RGS6: variants seen among roughly 807,000 people sequenced by gnomAD.
RGS6 encodes regulator of G protein signaling 6.
RGS6 carries 30 observed loss-of-function variants against 78.5 expected under a neutral mutation model. The ratio of observed to expected loss-of-function variants is 0.38; its 90% CI spans 0.29 to 0.52. The LOEUF (loss-of-function observed/expected upper bound fraction) is 0.52. RGS6 is among the 20% of genes least tolerant of loss of function. The probability of loss-of-function intolerance (pLI) is 0.85; values close to 1 mark genes in which losing one functional copy is unlikely to be tolerated. For synonymous variants in RGS6, 206 were observed against 206.0 expected, an observed-to-expected ratio of 1.00 and a Z score of 0.00; for missense variants, 495 against 609.7, an observed-to-expected ratio of 0.81 and a Z score of 1.98.
chr14:72,282,389 T>C (rs1288852805), intron 2 of RGS6, among the ~76,000 whole-genome samples: 1 of 152,176 alleles, frequency 6.6e-6, no homozygotes, highest in Non-Finnish European at 1.5e-5. Context: ...CCATTTGCAA[T>C]GCCCAAATTA....
intron 2 of RGS6, among the ~76,000 whole-genome samples, chr14:72,016,386 A>G (rs1288255878): frequency 6.6e-6 from 1 of 152,034 alleles, no homozygotes; most frequent in African/African-American, 2.4e-5. Context: ...TATTTTTTGA[A>G]ACGGAGTCTC....
chr14:71,884,150 G>A, the RGS6 span, among the ~76,000 whole-genome samples: 2 of 152,132 alleles, frequency 1.3e-5, no homozygotes. Flanking sequence ...GCTTTCCTAG[G>A]AGTTCTGCCT....
At chr14:72,187,169 A>C (rs747092337) in intron 2 of RGS6, among the ~76,000 whole-genome samples, 2 of 152,226 alleles carry the variant, frequency 1.3e-5, no homozygotes, top group Non-Finnish European at 2.9e-5. Flanking sequence ...TGATTTTTTA[A>C]AAAAATCTAC....
chr14:72,445,151 T>C (rs191246741), intron 3 of RGS6, among the ~76,000 whole-genome samples: 1 of 152,348 alleles, frequency 6.6e-6, no homozygotes, highest in African/African-American at 2.4e-5. Flanking sequence ...TACCTAATAT[T>C]TGTTTAAGTA....
At chr14:72,512,140 A>T (rs922103100) in intron 14 of RGS6, among the ~76,000 whole-genome samples, 1 of 152,132 alleles carries the variant, frequency 6.6e-6, no homozygotes, top group Non-Finnish European at 1.5e-5. Context: ...TGGGTCTCCA[A>T]GATGGAGCGG....
intron 2 of RGS6, among the ~76,000 whole-genome samples, chr14:72,286,598 G>A (rs1305553474): frequency 6.6e-6 from 1 of 151,898 alleles, no homozygotes; most frequent in African/African-American, 2.4e-5. Flanking sequence ...GATCACTTTG[G>A]GTAGTATAGA....
At chr14:72,232,568 G>T (rs576527107) in intron 2 of RGS6, among the ~76,000 whole-genome samples, 1 of 152,274 alleles carries the variant, frequency 6.6e-6, no homozygotes, top group Admixed American at 6.5e-5. Flanking sequence ...CCATCCTTAT[G>T]TCACCTGGCA....
chr14:72,022,358 C>A (rs966046868), intron 2 of RGS6: 2 of 152,108 alleles, frequency 1.3e-5, no homozygotes, highest in African/African-American at 4.8e-5. Context: ...TGCCATACTG[C>A]TTTCCACAAT....
At chr14:72,082,949 G>A (rs2153478353) in intron 2 of RGS6, among the ~76,000 whole-genome samples, 1 of 152,280 alleles carries the variant, frequency 6.6e-6, no homozygotes, top group South Asian at 2.1e-4. Context: ...AGGCTACTCA[G>A]CTTTGCCTCA....
At chr14:72,550,466 CTG>C in intron 17 of RGS6, 1 of 1,535,618 alleles carries the variant, frequency 6.5e-7, no homozygotes, top group Non-Finnish European at 8.7e-7. Flanking sequence ...AAAAGACAGA[CTG>C]TCAAGCAAGG....
At chr14:72,362,149 A>G (rs984198993) in intron 3 of RGS6, among the ~76,000 whole-genome samples, 6 of 152,188 alleles carry the variant, frequency 3.9e-5, no homozygotes, top group African/African-American at 1.4e-4. Flanking sequence ...GACGATATAA[A>G]GATGAACAAA....
rs535665305 is a variant in RGS6 at position 72,449,941 on chromosome 14, C to T, written c.185-4587C>T. 2.6e-5 allele frequency among the ~76,000 whole-genome samples: 4 copies of T among 152,348 alleles called. No individual in the cohort carries two copies. In the East Asian group the frequency reaches 7.7e-4, roughly 29 times the overall value. ...GGCCGTCCAAAGTTACCCATACCAT[C>T]TCCACTTTGGCCTCAGAGGCCAGCT... On this transcript the variant is annotated intron_variant, in intron 3 of 17. Coordinates refer to ENST00000553525, the MANE Select transcript of RGS6 (RefSeq NM_001204424.2).
chr14:72,070,346 T>G (rs1412558694), intron 2 of RGS6, among the ~76,000 whole-genome samples: 6 of 152,248 alleles, frequency 3.9e-5, no homozygotes, highest in African/African-American at 1.4e-4. Context: ...ACTCTTCACA[T>G]TAAATTTTTG....
chr14:72,301,218 T>C (rs931371820), intron 2 of RGS6, among the ~76,000 whole-genome samples: 1 of 152,158 alleles, frequency 6.6e-6, no homozygotes, highest in Non-Finnish European at 1.5e-5. Context: ...AAAGAAAATA[T>C]GCAATCCTTG....
At chr14:71,959,718 A>G (rs1448022524) in intron 1 of RGS6, among the ~76,000 whole-genome samples, 1 of 152,184 alleles carries the variant, frequency 6.6e-6, no homozygotes, top group Non-Finnish European at 1.5e-5. Context: ...GGGATTCTCC[A>G]TTGAATCTGA....
At chr14:71,996,668 G>T (rs1007207548) in intron 2 of RGS6, among the ~76,000 whole-genome samples, 1 of 152,128 alleles carries the variant, frequency 6.6e-6, no homozygotes, top group Non-Finnish European at 1.5e-5. Flanking sequence ...TAGCCCAGTG[G>T]TTGACATATA....
chr14:72,221,775 C>T (rs1374784928), intron 2 of RGS6, among the ~76,000 whole-genome samples: 1 of 152,120 alleles, frequency 6.6e-6, no homozygotes, highest in African/African-American at 2.4e-5. Flanking sequence ...TAATTTAGAT[C>T]CCATACCAAC....
At chr14:72,520,715 G>T (rs2097025687) in intron 15 of RGS6, among the ~76,000 whole-genome samples, 1 of 152,112 alleles carries the variant, frequency 6.6e-6, no homozygotes, top group Non-Finnish European at 1.5e-5. Context: ...ATCTTCCTAT[G>T]GTAAACATTA....
intron 3 of RGS6, among the ~76,000 whole-genome samples, chr14:72,384,882 C>T (rs1390802616): frequency 6.6e-6 from 1 of 152,202 alleles, no homozygotes; most frequent in African/African-American, 2.4e-5. Flanking sequence ...TCCTGACTAG[C>T]TGGGATTACA....
Sources: gnomAD v4.1 joint callset for allele counts (sites outside exome capture counted in the v4.1 genomes callset) on GRCh38, gnomAD v4.1.1 for gene constraint, MANE v1.5 for transcripts, NCBI Gene and HGNC (gene_info 2026-07-23, HGNC 2026-07-21) for gene names.